Variants in AKNA observed in about 807,000 individuals in gnomAD.
AKNA encodes AT-hook transcription factor.
AKNA carries 67 observed loss-of-function variants against 138.8 expected under a neutral mutation model. The observed-to-expected ratio is 0.48, with a 90% confidence interval of 0.40 to 0.59. The LOEUF is 0.59. AKNA is among the 20% of genes least tolerant of loss of function. AKNA has a pLI of 0.00. For missense variants in AKNA, 1,813 were observed against 1,880.4 expected (o/e 0.96, Z 0.66); for synonymous variants, 737 against 754.4 (o/e 0.98, Z 0.38).
upstream of AKNA, among the ~76,000 whole-genome samples, chr9:114,391,437 C>T (rs139298624): frequency 1.1e-4 from 16 of 152,278 alleles, no homozygotes; most frequent in Middle Eastern, 3.4e-3. Flanking sequence ...AAGAACAGAA[C>T]GTTTAAGTGG....
At chr9:114,360,388 A>C (rs1228413822) in intron 9 of AKNA, among the ~76,000 whole-genome samples, 1 of 152,200 alleles carries the variant, frequency 6.6e-6, no homozygotes, top group Admixed American at 6.5e-5. Flanking sequence ...AAGTCAACAG[A>C]AACAAGGAGC....
In AKNA at chr9:114,341,524, G is replaced by C. The variant is rs371634681; in HGVS notation, c.4067+9C>G. 327 of 1,614,018 alleles carry C rather than the reference G, an allele frequency of 2.0e-4. No individual in the cohort carries two copies. The highest frequency in any genetic ancestry group is 5.3e-4 in the Admixed American group (32 of 59,984). ...AAGAGGCTGGGAAGGTCAGAATGAA[G>C]GCTCTTACACAGCGGCAGGTGGATA... On this transcript the variant is annotated intron_variant, in intron 21 of 21. Transcript: ENST00000374088.
At chr9:114,342,746 C>T (rs1385624643) in intron 19 of AKNA, among the ~76,000 whole-genome samples, 14 of 148,784 alleles carry the variant, frequency 9.4e-5, no homozygotes, top group Admixed American at 7.5e-4. Flanking sequence ...CCACCCACCC[C>T]GGCAGAGTCA....
chr9:114,368,413 A>T (rs773846179), intron 5 of AKNA, 26 bp downstream of exon 5: 2 of 1,309,512 alleles, frequency 1.5e-6, no homozygotes, highest in Non-Finnish European at 2.0e-6. Flanking sequence ...AGGAGCCTCC[A>T]GCTGCAGCTC....
chr9:114,359,759 C>G lies in AKNA; in HGVS notation c.2327G>C (p.Arg776Thr). Residue 776 changes from arginine to threonine, a missense_variant, in exon 11 of 22, where the codon AGA becomes ACA. Arg to Thr is a moderately conservative substitution (Grantham distance 71). Coordinates refer to ENST00000374088, the MANE Select transcript of AKNA (RefSeq NM_001317950.2). ...LSVKSLPEAM[R>T]MEEEEEGEEE... ...CTCTCCTTCTTCCTCCTCCTCCATTCTCATGGCTTCTGGGAGAGACTTCAC... is the reference window on the plus strand; with the variant it reads ...CTCTCCTTCTTCCTCCTCCTCCATTGTCATGGCTTCTGGGAGAGACTTCAC... 6.2e-7 allele frequency: 1 copy of G among 1,600,600 alleles called. No individual in the cohort carries two copies. The highest frequency in any genetic ancestry group is 8.5e-7 in the Non-Finnish European group (1 of 1,172,872).
chr9:114,363,967 C>G (rs1832152380), intron 7 of AKNA, among the ~76,000 whole-genome samples: 1 of 152,136 alleles, frequency 6.6e-6, no homozygotes, highest in African/African-American at 2.4e-5. Flanking sequence ...ATCTAAAACT[C>G]CAAATTCCAA....
intron 14 of AKNA, among the ~76,000 whole-genome samples, chr9:114,354,517 T>A (rs1277952313): frequency 1.3e-5 from 2 of 152,054 alleles, no homozygotes; most frequent in Non-Finnish European, 2.9e-5. Flanking sequence ...ATCGAGACCA[T>A]CTTGGCTAAC....
chr9:114,355,173 T>C (rs1018924992), intron 14 of AKNA, among the ~76,000 whole-genome samples: 25 of 146,894 alleles, frequency 1.7e-4, no homozygotes, highest in African/African-American at 6.0e-4. Context: ...CGGCCTGTAC[T>C]GTACTTTTTT....
chr9:114,371,868 G>T (rs1832794062), intron 4 of AKNA, among the ~76,000 whole-genome samples: 1 of 152,110 alleles, frequency 6.6e-6, no homozygotes, highest in Non-Finnish European at 1.5e-5. Flanking sequence ...CTCTGAACTC[G>T]TGGGTTCTGA....
intron 21 of AKNA, among the ~76,000 whole-genome samples, chr9:114,338,808 G>A (rs553142950): frequency 1.1e-4 from 17 of 152,166 alleles, no homozygotes; most frequent in South Asian, 6.2e-4. Context: ...GCCTGGCTCC[G>A]GTAAGTGCTC....
rs10982188 is a variant in AKNA, at chr9:114,382,507, C to T, written c.-113-1061G>A. Among the ~76,000 whole-genome samples the T allele has an allele frequency of 1.6e-3, 233 of 150,182 alleles. 5 individuals are homozygous for T. In the East Asian group the frequency reaches 0.031, roughly 20 times the overall value. On this transcript the variant is annotated intron_variant, in intron 1 of 21. Coordinates refer to ENST00000374088, the MANE Select transcript of AKNA (RefSeq NM_001317950.2). ...TCGAGGTGGGAGGATCACTTAAGCCCGGGAGGTCGAAGCTGCAGTGAGCCA... is the reference window on the plus strand; with the variant it reads ...TCGAGGTGGGAGGATCACTTAAGCCTGGGAGGTCGAAGCTGCAGTGAGCCA...
At position 114,361,852 on chromosome 9, in the gene AKNA, A is replaced by C. The variant is rs771158892; in HGVS notation, c.1976T>G (p.Ile659Arg). ...GSCLEELKEH[I>R]DQTQQEPEPP... ...CTCAGGCTCTTGCTGGGTCTGGTCT[A>C]TGTGTTCCTTCAGCTCTTCCAGGCA... The change falls in exon 9 of 22, where the codon ATA (isoleucine) becomes AGA (arginine). Residue 659 changes from isoleucine (I) to arginine (R), a missense_variant. Coordinates refer to ENST00000374088, the MANE Select transcript of AKNA (RefSeq NM_001317950.2). The C allele has an allele frequency of 4.3e-6, 7 of 1,611,336 alleles. No homozygotes were observed. Among genetic ancestry groups the C allele is most frequent in the Non-Finnish European group, 5.9e-6 (7 of 1,179,978 alleles).
chr9:114,360,678 C>G (rs1003069958), intron 9 of AKNA, among the ~76,000 whole-genome samples: 1 of 152,012 alleles, frequency 6.6e-6, no homozygotes, highest in Non-Finnish European at 1.5e-5. Context: ...CCCACCCTAC[C>G]CAGCATGCCA....
At chr9:114,368,642 A>G in intron 4 of AKNA, 47 bp from the exon 5 acceptor site, 1 of 1,314,826 alleles carries the variant, frequency 7.6e-7, no homozygotes, top group Non-Finnish European at 9.8e-7. Context: ...GGTAGGGGCA[A>G]ACCCACCTGA....
intron 12 of AKNA, among the ~76,000 whole-genome samples, chr9:114,357,606 G>A (rs1831594715): frequency 6.6e-6 from 1 of 152,204 alleles, no homozygotes; most frequent in Admixed American, 6.5e-5. Context: ...ATAGTGGCCT[G>A]TGACTTTGCA....
chr9:114,367,494 T>C lies in AKNA; in HGVS notation c.1728+49A>G, dbSNP rs527980360. On this transcript the variant is annotated intron_variant, in intron 6 of 21. Coordinates refer to ENST00000374088, the MANE Select transcript of AKNA (RefSeq NM_001317950.2). ...ACCCAAGCAGGCAGAGGTTCTGTGT[T>C]CTCCAGGTGAGTTAAGTCTCTCGGG... 59 of 1,598,916 alleles carry C rather than the reference T, an allele frequency of 3.7e-5. 2 individuals are homozygous for C. The South Asian group carries it at 6.2e-4, about 17-fold the overall frequency.
chr9:114,361,652 G>T, intron 9 of AKNA, 52 bp downstream of exon 9: 1 of 1,589,200 alleles, frequency 6.3e-7, no homozygotes, highest in Admixed American at 1.7e-5. Context: ...ATGAATTAAC[G>T]AAGAAATGAA....
chr9:114,353,833 A>T (rs1431091992), intron 14 of AKNA, among the ~76,000 whole-genome samples: 2 of 152,254 alleles, frequency 1.3e-5, no homozygotes, highest in Admixed American at 1.3e-4. Flanking sequence ...AAAAGATTTT[A>T]AAAATGGTAC....
Position 114,342,095 on chromosome 9 carries a change from G to A in AKNA, c.3788C>T (p.Pro1263Leu), listed in dbSNP as rs200572978. The change falls in exon 20 of 22, where the codon CCG (proline) becomes CTG (leucine). Residue 1263 changes from proline to leucine, a missense_variant. Pro to Leu is a moderately conservative substitution (Grantham distance 98). Coordinates refer to ENST00000374088, the MANE Select transcript of AKNA (RefSeq NM_001317950.2). Reference sequence around the variant, plus strand: ...ACACTGAAGGGTATCAGCGGGAGGCGGTCCCAGTGGGTCCCCTGTGACAGC... The same window carrying A: ...ACACTGAAGGGTATCAGCGGGAGGCAGTCCCAGTGGGTCCCCTGTGACAGC... ...GGAVTGDPLG[P>L]PPADTLQCPL... The A allele has an allele frequency of 1.1e-5, 18 of 1,606,038 alleles. No individual in the cohort carries two copies. The highest frequency in any genetic ancestry group is 6.9e-5 in the Admixed American group (4 of 58,230).
Sources: allele counts gnomAD v4.1 joint callset (sites outside exome capture counted in the v4.1 genomes callset), GRCh38; gene constraint gnomAD v4.1.1; transcripts MANE v1.5; gene names NCBI Gene and HGNC (gene_info 2026-07-23, HGNC 2026-07-21).